Variants in USP10 observed in about 807,000 individuals in gnomAD.
USP10 encodes the protein ubiquitin carboxyl-terminal hydrolase 10.
In USP10, 22 loss-of-function variants were observed where a neutral mutation model predicts 84.5. That is an observed-to-expected ratio of 0.26 (90% confidence interval 0.19 to 0.37). USP10 has a LOEUF of 0.37. Among genes scored for constraint, USP10 ranks in the 10% least tolerant of loss-of-function variants. USP10 has a pLI of 1.00. For missense variants in USP10, 1,019 were observed against 998.9 expected (o/e 1.02, Z -0.27); for synonymous variants, 454 against 387.6 (o/e 1.17, Z -2.01).
chr16:84,725,132 A>G (rs1419620141), intron 1 of USP10, among the ~76,000 whole-genome samples: 3 of 152,158 alleles, frequency 2.0e-5, no homozygotes, highest in African/African-American at 4.8e-5. Flanking sequence ...ACCGTAGTCC[A>G]TTTTAGAACA....
In USP10 at chr16:84,745,147, T is replaced by A. The variant is rs1424613443; in HGVS notation, c.666T>A (p.Ile222=). Residue 222 remains isoleucine (I), a synonymous_variant, in exon 4 of 14, where the codon ATT becomes ATA. Transcript: ENST00000219473. ...PQNSTDSVSD[I]VPDSPFPGAL... is the part of the protein sequence containing the mutation. ...ACTCCACAGACTCTGTCAGTGACATTGTGCCTGACAGTCCTTTCCCCGGAG... is the reference window on the plus strand; with the variant it reads ...ACTCCACAGACTCTGTCAGTGACATAGTGCCTGACAGTCCTTTCCCCGGAG... 1 of 1,613,468 alleles carries A rather than the reference T, an allele frequency of 6.2e-7. No homozygotes were observed.
intron 2 of USP10, among the ~76,000 whole-genome samples, chr16:84,734,253 C>A (rs1418046525): frequency 7.0e-6 from 1 of 142,278 alleles, no homozygotes; most frequent in East Asian, 2.1e-4. Flanking sequence ...TGGGAGTTTT[C>A]TTGCTCGTAT....
intron 6 of USP10, 102 bp from the exon 7 acceptor site, chr16:84,759,789 C>T: frequency 8.2e-7 from 1 of 1,216,170 alleles, no homozygotes; most frequent in Non-Finnish European, 1.2e-6. Flanking sequence ...CTAAAATCTA[C>T]TATACTCGTA....
intron 11 of USP10, among the ~76,000 whole-genome samples, 192 bp downstream of exon 11, chr16:84,768,550 C>G (rs1171382168): frequency 2.6e-5 from 4 of 152,144 alleles, no homozygotes; most frequent in Admixed American, 6.5e-5. Flanking sequence ...CCTCTTTTAG[C>G]TCTAAATCAT....
Position 84,726,801 on chromosome 16 carries a change from C to G in USP10, c.22-6634C>G, listed in dbSNP as rs369649364. Among the ~76,000 whole-genome samples, 277 of 152,352 alleles carry G rather than the reference C, an allele frequency of 1.8e-3. 13 individuals are homozygous for G. The South Asian group carries it at 0.055, about 30-fold the overall frequency. On this transcript the variant is annotated intron_variant, in intron 1 of 13. Transcript: ENST00000219473. ...AAAAGGGGAAGAAATGCCTGAAGCC[C>G]TTGTACTTTGCTCCCCCGAATCGCA...
At chr16:84,715,506 G>A (rs1261778122) in intron 1 of USP10, among the ~76,000 whole-genome samples, 3 of 152,214 alleles carry the variant, frequency 2.0e-5, no homozygotes, top group Non-Finnish European at 2.9e-5. Context: ...AAAGTGCTGG[G>A]ATTACAGGCA....
At chr16:84,741,714 T>C (rs538725974) in intron 3 of USP10, among the ~76,000 whole-genome samples, 14 of 152,354 alleles carry the variant, frequency 9.2e-5, no homozygotes, top group Non-Finnish European at 1.9e-4. Flanking sequence ...GCCACCAGTT[T>C]GCACAGTTAG....
intron 8 of USP10, among the ~76,000 whole-genome samples, chr16:84,762,371 CT>C (rs969814934): frequency 1.2e-4 from 19 of 152,138 alleles, no homozygotes; most frequent in African/African-American, 3.9e-4. Flanking sequence ...AAGACAGAAA[CT>C]TTTTTTTAAA....
intron 4 of USP10, among the ~76,000 whole-genome samples, chr16:84,748,676 T>C (rs1303192694): frequency 6.6e-6 from 1 of 152,250 alleles, no homozygotes; most frequent in Non-Finnish European, 1.5e-5. Flanking sequence ...ATTTTCTCTA[T>C]CTTTATTTAA....
intron 11 of USP10, among the ~76,000 whole-genome samples, chr16:84,771,672 C>T (rs1043683994): frequency 2.6e-5 from 4 of 152,140 alleles, no homozygotes; most frequent in East Asian, 1.9e-4. Context: ...AGTTCAAGAC[C>T]AGCCTGGCCA....
intron 1 of USP10, among the ~76,000 whole-genome samples, chr16:84,707,504 A>G (rs946498570): frequency 7.9e-5 from 12 of 152,280 alleles, no homozygotes; most frequent in East Asian, 1.9e-4. Flanking sequence ...TGTGTCTTCT[A>G]TGCTTTTTTC....
At chr16:84,743,888 C>G (rs1014605878) in intron 3 of USP10, among the ~76,000 whole-genome samples, 1 of 152,196 alleles carries the variant, frequency 6.6e-6, no homozygotes, top group East Asian at 1.9e-4. Flanking sequence ...GGCTTTACCA[C>G]CCATGGGGTT....
At chr16:84,751,076 G>T (rs543617826) in intron 4 of USP10, among the ~76,000 whole-genome samples, 1 of 152,202 alleles carries the variant, frequency 6.6e-6, no homozygotes, top group African/African-American at 2.4e-5. Flanking sequence ...CCGCATGTAC[G>T]ACAGTGGTCC....
At chr16:84,778,690 C>T (rs1347540040) in intron 13 of USP10, among the ~76,000 whole-genome samples, 1 of 152,194 alleles carries the variant, frequency 6.6e-6, no homozygotes, top group African/African-American at 2.4e-5. Flanking sequence ...CCTTACCTTG[C>T]AGTTATAGAA....
intron 1 of USP10, among the ~76,000 whole-genome samples, chr16:84,727,281 T>G (rs980365301): frequency 6.6e-6 from 1 of 152,220 alleles, no homozygotes. Context: ...TCCTGTGAAG[T>G]CAGACACAGC....
chr16:84,733,787 G>T (rs1482022625), intron 2 of USP10, among the ~76,000 whole-genome samples: 1 of 152,214 alleles, frequency 6.6e-6, no homozygotes, highest in East Asian at 1.9e-4. Context: ...CTACTCTGCT[G>T]AAATTGGGAA....
At chr16:84,708,168 G>C (rs147444850) in intron 1 of USP10, among the ~76,000 whole-genome samples, 142 of 151,312 alleles carry the variant, frequency 9.4e-4, no homozygotes, top group Non-Finnish European at 1.2e-3. Flanking sequence ...AAAGAGGTCT[G>C]GCTGGGCGTG....
At position 84,705,715 on chromosome 16, in the gene USP10, CTT is replaced by C. The variant is rs1034372044; in HGVS notation, c.21+5627_21+5628del. Among the ~76,000 whole-genome samples the C allele has an allele frequency of 8.6e-3, 614 of 71,178 alleles. 1 individual carries two copies. Among genetic ancestry groups the C allele is most frequent in the African/African-American group, 0.033 (503 of 15,040 alleles). The allele number at this position is 71,178 out of a possible 152,430, so 46.7% of individuals were successfully genotyped here. A position where few individuals can be genotyped will look rare whatever the true frequency, so the allele number is the denominator to read the frequency against. On this transcript the variant is annotated intron_variant, in intron 1 of 13. Transcript: ENST00000219473. ...ACAGACATAATCATGCCCTTGCTTG[CTT>C]TTTTTTTTTTTTTTTTTTTTTTGAG...
chr16:84,752,966 C>T (rs139972895), intron 4 of USP10, among the ~76,000 whole-genome samples: 13 of 151,960 alleles, frequency 8.6e-5, no homozygotes, highest in Admixed American at 5.2e-4. Flanking sequence ...TTTTTAAAAA[C>T]GTATTTTTTT....
Sources: gnomAD v4.1 joint callset for allele counts (sites outside exome capture counted in the v4.1 genomes callset) on GRCh38, gnomAD v4.1.1 for gene constraint, MANE v1.5 for transcripts, NCBI Gene and HGNC (gene_info 2026-07-23, HGNC 2026-07-21) for gene names.